The following EVPLL variants were observed in gnomAD, a reference collection of about 807,000 sequenced individuals.
EVPLL encodes envoplakin like, also known as envoplakin-like protein.
EVPLL carries 39 observed loss-of-function variants against 46.2 expected under a neutral mutation model. That is an observed-to-expected ratio of 0.84 (90% CI 0.65 to 1.10). The LOEUF is 1.10. EVPLL is among the 50% of genes least tolerant of loss of function. The pLI, the probability that EVPLL is intolerant of heterozygous loss-of-function variation, is 0.00. For missense variants in EVPLL, 385 were observed against 412.6 expected (o/e 0.93, Z 0.58); for synonymous variants, 156 against 165.8 (o/e 0.94, Z 0.46).
In EVPLL at chr17:18,377,924, G is replaced by C; in HGVS notation, c.-96G>C. On this transcript the variant is annotated 5_prime_UTR_variant, in exon 1 of 11. Coordinates refer to ENST00000399134, the MANE Select transcript of EVPLL (RefSeq NM_001145127.2). Reference sequence around the variant, plus strand: ...TGAGCAAAGGCTCCCAGGGGAAGGGGTCCCCCAAGGACTCCCCAGCCAAGG... The same window carrying C: ...TGAGCAAAGGCTCCCAGGGGAAGGGCTCCCCCAAGGACTCCCCAGCCAAGG... The C allele has an allele frequency of 8.9e-7, 1 of 1,126,296 alleles. No homozygotes were observed. The highest frequency in any genetic ancestry group is 1.2e-6 in the Non-Finnish European group (1 of 814,874). 69.8% of individuals were successfully genotyped at this position (1,126,296 alleles called of 1,614,324 possible).
chr17:18,382,975 C>T (rs1987635833), intron 6 of EVPLL, 50 bp from the exon 7 acceptor site: 9 of 1,565,306 alleles, frequency 5.7e-6, no homozygotes, highest in African/African-American at 1.4e-5. Flanking sequence ...CCTTTTGCCC[C>T]CCACTTTCTC....
chr17:18,381,749 C>T lies in EVPLL; in HGVS notation c.346+19C>T. The T allele has an allele frequency of 6.2e-7, 1 of 1,614,084 alleles. No homozygotes were observed. Among genetic ancestry groups the T allele is most frequent in the Non-Finnish European group, 8.5e-7 (1 of 1,180,018 alleles). Reference sequence around the variant, plus strand: ...GAAACAGGTCAGGAGCTCAAAGTCACACCCCAGTGTGATCAGAGGGTGATA... The same window carrying T: ...GAAACAGGTCAGGAGCTCAAAGTCATACCCCAGTGTGATCAGAGGGTGATA... On this transcript the variant is annotated intron_variant, in intron 4 of 10. Transcript: ENST00000399134. The surrounding 1 kb of genome is among the most constrained non-coding windows in gnomAD (Gnocchi z 4.2).
At chr17:18,379,162 G>C (rs1311724795) in intron 1 of EVPLL, among the ~76,000 whole-genome samples, 1 of 152,194 alleles carries the variant, frequency 6.6e-6, no homozygotes, top group East Asian at 1.9e-4. Flanking sequence ...TGGACCACCC[G>C]GTTCTCTGGG....
chr17:18,388,328 T>C (rs1006560846), intron 10 of EVPLL, 40 bp downstream of exon 10: 4 of 913,154 alleles, frequency 4.4e-6, no homozygotes, highest in Non-Finnish European at 5.2e-6. Context: ...AAGGGTCTTC[T>C]GGTTGTCTGG....
At chr17:18,378,236 G>A (rs1277434111) in intron 1 of EVPLL, among the ~76,000 whole-genome samples, 1 of 152,254 alleles carries the variant, frequency 6.6e-6, no homozygotes, top group Non-Finnish European at 1.5e-5. Flanking sequence ...GGGCCTGTGG[G>A]CCACAGATTG....
chr17:18,381,405 C>A lies in EVPLL; in HGVS notation c.102C>A (p.His34Gln). 2 of 1,599,280 alleles carry A rather than the reference C, an allele frequency of 1.3e-6. No homozygotes were observed. The highest frequency in any genetic ancestry group is 1.7e-6 in the Non-Finnish European group (2 of 1,173,750). ...LNSEQSQALQHQQETGSSLKE... is the reference protein window; with the variant it reads ...LNSEQSQALQQQQETGSSLKE... ...GTGAGCAGAGCCAGGCCCTGCAGCA[C>A]CAGCAGGAGACGGGCAGCAGCCTGA... The change falls in exon 3 of 11, where the codon CAC (histidine) becomes CAA (glutamine). Residue 34 changes from histidine to glutamine, a missense_variant. Coordinates refer to ENST00000399134, the MANE Select transcript of EVPLL (RefSeq NM_001145127.2). This position sits in a 1 kb window ranked among gnomAD's most constrained non-coding sequence, Gnocchi z 4.2.
rs867880666 is a variant in EVPLL, at chr17:18,381,789, A to C, written c.346+59A>C. On this transcript the variant is annotated intron_variant, in intron 4 of 10. Transcript: ENST00000399134. This position sits in a 1 kb window ranked among gnomAD's most constrained non-coding sequence, Gnocchi z 4.2. ...AGAGGGTGATACGGAACTGCATTTA[A>C]CCCAGGGCCTGACTGTAGGCTTGAA... 9 of 1,611,392 alleles carry C rather than the reference A, an allele frequency of 5.6e-6. No individual in the cohort carries two copies. The highest frequency in any genetic ancestry group is 2.7e-5 in the African/African-American group (2 of 74,958).
At chr17:18,385,214 A>C (rs1987731669) in intron 9 of EVPLL, among the ~76,000 whole-genome samples, 2 of 126,642 alleles carry the variant, frequency 1.6e-5, no homozygotes, top group Non-Finnish European at 3.4e-5. Flanking sequence ...GGAGAATAAA[A>C]CCTTTGAGGG....
rs903494279 is a variant in EVPLL at position 18,388,062 on chromosome 17, A to G, written c.877-157A>G. 1.6e-4 allele frequency: 38 copies of G among 233,614 alleles called. 1 individual carries two copies. The South Asian group carries it at 3.9e-3, about 24-fold the overall frequency. The allele number at this position is 233,614 out of a possible 1,614,324, so 14.5% of individuals were successfully genotyped here. Reference sequence around the variant, plus strand: ...TATATACATATATATGTATATATATATAAAATTTATTTATAGTGTGTGTAA... The same window carrying G: ...TATATACATATATATGTATATATATGTAAAATTTATTTATAGTGTGTGTAA... On this transcript the variant is annotated intron_variant, in intron 9 of 10. Coordinates refer to ENST00000399134, the MANE Select transcript of EVPLL (RefSeq NM_001145127.2).
Position 18,381,888 on chromosome 17 carries a change from T to G in EVPLL, c.346+158T>G. ...AGGAGACAGTGCAGTCAGGGAAGAC[T>G]TCCTGTAGGAGGAGGCACATGAAGA... On this transcript the variant is annotated intron_variant, in intron 4 of 10. Transcript: ENST00000399134. The surrounding 1 kb of genome is among the most constrained non-coding windows in gnomAD (Gnocchi z 4.2). The G allele has an allele frequency of 1.7e-6, 2 of 1,211,278 alleles. No individual in the cohort carries two copies. Among genetic ancestry groups the G allele is most frequent in the African/African-American group, 1.5e-5 (1 of 67,228 alleles). 75.0% of individuals were successfully genotyped at this position (1,211,278 alleles called of 1,614,324 possible). A position where few individuals can be genotyped will look rare whatever the true frequency, so the allele number is the denominator to read the frequency against.
chr17:18,387,036 A>C (rs968105706), intron 9 of EVPLL, among the ~76,000 whole-genome samples: 4 of 149,998 alleles, frequency 2.7e-5, no homozygotes, highest in Non-Finnish European at 5.9e-5. Context: ...CTGGGACTAC[A>C]GGTGCCCGCC....
chr17:18,384,960 A>G (rs190697608), intron 9 of EVPLL, among the ~76,000 whole-genome samples: 1,866 of 124,442 alleles, frequency 0.015, 46 homozygotes, highest in African/African-American at 0.056. Flanking sequence ...TGAGAGGGAG[A>G]GGAGGATGGA....
At chr17:18,384,031 C>T (rs1987690537) in intron 9 of EVPLL, among the ~76,000 whole-genome samples, 1 of 152,154 alleles carries the variant, frequency 6.6e-6, no homozygotes, top group Admixed American at 6.6e-5. Flanking sequence ...GAAGGAAAGG[C>T]ATGGGCACAT....
rs1987656026 is a variant in EVPLL at position 18,383,290 on chromosome 17, T to G, written c.692T>G (p.Leu231Arg). The G allele has an allele frequency of 3.1e-6, 5 of 1,596,468 alleles. No homozygotes were observed. Among genetic ancestry groups the G allele is most frequent in the Non-Finnish European group, 4.3e-6 (5 of 1,173,030 alleles). The part of the protein sequence containing the change: ...REYEHFKQHE[L>R]LSQEQSVNQL... ...CCCCAGCACTTCAAGCAGCACGAGC[T>G]GCTGAGCCAGGAGCAGAGCGTAAAC... is the stretch of plus-strand genomic sequence containing the variant. Residue 231 changes from leucine to arginine, a missense_variant, in exon 8 of 11, where the codon CTG (leucine) becomes CGG (arginine). Leu to Arg is a moderately radical substitution (Grantham distance 102, BLOSUM62 -2). Transcript: ENST00000399134.
In EVPLL at chr17:18,388,856, G is replaced by T. The variant is rs957976422; in HGVS notation, c.*41-1G>T. ...CTCAGTGACCCTTTCTCCTTTTTCA[G>T]CTCTTGCCGCACGTGCAGAGAGAGA... On this transcript the variant is annotated splice_acceptor_variant, in intron 10 of 10. Transcript: ENST00000399134. LOFTEE classifies it low-confidence loss of function (3UTR_SPLICE). 1 of 150,302 alleles carries T rather than the reference G, an allele frequency of 6.7e-6. No individual in the cohort carries two copies. Among genetic ancestry groups the T allele is most frequent in the Non-Finnish European group, 1.5e-5 (1 of 67,430 alleles). The allele number at this position is 150,302 out of a possible 1,614,324, so 9.3% of individuals were successfully genotyped here.
intron 8 of EVPLL, 52 bp from the exon 9 acceptor site, chr17:18,383,440 C>CT: frequency 2.2e-6 from 1 of 449,378 alleles, no homozygotes; most frequent in Non-Finnish European, 3.6e-6. Context: ...GGGGGGTGGA[C>CT]GTGGGTGCGG....
intron 1 of EVPLL, among the ~76,000 whole-genome samples, chr17:18,379,209 G>A (rs1031394806): frequency 3.3e-5 from 5 of 152,234 alleles, no homozygotes; most frequent in African/African-American, 7.2e-5. Context: ...ATTGGGTGGC[G>A]CTCTTCCCAC....
intron 1 of EVPLL, 105 bp downstream of exon 1, chr17:18,378,088 C>G: frequency 2.6e-6 from 1 of 390,762 alleles, no homozygotes; most frequent in South Asian, 4.9e-5. Context: ...GGACCAGCCC[C>G]GTGCTGGCAT....
chr17:18,378,027 G>T, intron 1 of EVPLL, 44 bp downstream of exon 1: 1 of 583,564 alleles, frequency 1.7e-6, no homozygotes, highest in Non-Finnish European at 2.7e-6. Context: ...CTAGGGTGGG[G>T]GTGGTGCCAG....
Sources: allele counts gnomAD v4.1 joint callset (sites outside exome capture counted in the v4.1 genomes callset), GRCh38; gene constraint gnomAD v4.1.1; non-coding constraint Gnocchi (gnomAD v3.1); transcripts MANE v1.5; gene names NCBI Gene and HGNC (gene_info 2026-07-23, HGNC 2026-07-21).